CDK6: variants seen among roughly 807,000 people sequenced by gnomAD.
The protein encoded by CDK6 is cyclin dependent kinase 6.
In CDK6, 6 loss-of-function variants were observed where a neutral mutation model predicts 37.1. That is an observed-to-expected ratio of 0.16 (90% CI 0.09 to 0.32). CDK6 has a LOEUF of 0.32. CDK6 is among the 10% of genes least tolerant of loss of function. CDK6 has a pLI of 1.00. For synonymous variants in CDK6, 160 were observed against 161.3 expected, an observed-to-expected ratio of 0.99 and a Z score of 0.06; for missense variants, 224 against 418.9, an observed-to-expected ratio of 0.53 and a Z score of 4.06.
chr7:92,659,633 CACCACA>C (rs1562927538), intron 5 of CDK6, among the ~76,000 whole-genome samples: 3 of 149,370 alleles, frequency 2.0e-5, no homozygotes, highest in South Asian at 2.1e-4. Context: ...CACACACACA[CACCACA>C]CACACACACA....
intron 4 of CDK6, among the ~76,000 whole-genome samples, chr7:92,672,178 C>CAGACACAT (rs1797093586): frequency 9.6e-6 from 1 of 103,752 alleles, no homozygotes; most frequent in Non-Finnish European, 1.9e-5. Context: ...CACACACACA[C>CAGACACAT]ACACAGACAC....
chr7:92,624,780 G>T (rs1297257711), intron 5 of CDK6, among the ~76,000 whole-genome samples: 1 of 152,108 alleles, frequency 6.6e-6, no homozygotes, highest in Non-Finnish European at 1.5e-5. Context: ...CATGAATGTT[G>T]TATCTGGCCT....
intron 5 of CDK6, among the ~76,000 whole-genome samples, chr7:92,645,022 C>T (rs1402789942): frequency 1.3e-5 from 2 of 152,278 alleles, no homozygotes; most frequent in South Asian, 2.1e-4. Flanking sequence ...CCCATTTCAT[C>T]GGGTTTGGCA....
chr7:92,719,508 A>G (rs1203076201), intron 4 of CDK6, among the ~76,000 whole-genome samples: 1 of 152,190 alleles, frequency 6.6e-6, no homozygotes, highest in African/African-American at 2.4e-5. Context: ...ATCTTTTATT[A>G]GTGAAGGTAA....
At chr7:92,700,303 T>C (rs1797814218) in intron 4 of CDK6, among the ~76,000 whole-genome samples, 1 of 152,222 alleles carries the variant, frequency 6.6e-6, no homozygotes, top group Non-Finnish European at 1.5e-5. Flanking sequence ...TGCATTCTGG[T>C]AACTGTGTAG....
chr7:92,688,954 G>T (rs545974657), intron 4 of CDK6, among the ~76,000 whole-genome samples: 1 of 152,140 alleles, frequency 6.6e-6, no homozygotes, highest in Non-Finnish European at 1.5e-5. Context: ...CTATTTTGGC[G>T]GAGGGAGGCT....
chr7:92,786,567 G>A (rs1451601937), intron 2 of CDK6, among the ~76,000 whole-genome samples: 3 of 151,526 alleles, frequency 2.0e-5, no homozygotes, highest in Non-Finnish European at 2.9e-5. Flanking sequence ...CCACATCACT[G>A]TGGGAATACA....
At chr7:92,666,102 T>C (rs1332627851) in intron 5 of CDK6, among the ~76,000 whole-genome samples, 1 of 152,236 alleles carries the variant, frequency 6.6e-6, no homozygotes, top group Non-Finnish European at 1.5e-5. Flanking sequence ...ATGGTGAGCC[T>C]CGCTGACACA....
At chr7:92,674,024 C>T (rs1797149949) in intron 4 of CDK6, among the ~76,000 whole-genome samples, 1 of 151,898 alleles carries the variant, frequency 6.6e-6, no homozygotes. Context: ...AGGCAATCTG[C>T]CTGCCTCAGC....
intron 4 of CDK6, among the ~76,000 whole-genome samples, chr7:92,694,826 T>C (rs1019779813): frequency 7.2e-5 from 11 of 152,122 alleles, no homozygotes; most frequent in Non-Finnish European, 2.9e-5. Context: ...TAGAAAATTA[T>C]ATATATATAA....
At chr7:92,721,101 A>C (rs1176704127) in intron 4 of CDK6, among the ~76,000 whole-genome samples, 2 of 152,184 alleles carry the variant, frequency 1.3e-5, no homozygotes, top group Non-Finnish European at 2.9e-5. Context: ...GTTAAATATA[A>C]CAGGCCCCAC....
chr7:92,661,811 A>C (rs1796840318), intron 5 of CDK6, among the ~76,000 whole-genome samples: 2 of 152,176 alleles, frequency 1.3e-5, no homozygotes, highest in Admixed American at 1.3e-4. Flanking sequence ...ATATAAGTGG[A>C]CCTGTGTAGT....
intron 2 of CDK6, among the ~76,000 whole-genome samples, chr7:92,803,609 C>T (rs886416985): frequency 6.6e-6 from 1 of 152,080 alleles, no homozygotes; most frequent in Non-Finnish European, 1.5e-5. Context: ...ATACAGATCA[C>T]GAAGAGCTTT....
chr7:92,639,179 C>T (rs1283085216), intron 5 of CDK6, among the ~76,000 whole-genome samples: 4 of 152,124 alleles, frequency 2.6e-5, no homozygotes, highest in Admixed American at 6.5e-5. Context: ...AACCTGCCTC[C>T]TTAAAGTTCT....
chr7:92,777,980 T>C lies in CDK6; in HGVS notation c.234-3149A>G, dbSNP rs995169776. 7.9e-5 allele frequency among the ~76,000 whole-genome samples: 12 copies of C among 152,264 alleles called. No individual in the cohort carries two copies. In the South Asian group the frequency reaches 1.7e-3, roughly 21 times the overall value. ...TTGGGTTGTATTCCTAGGACCTCTG[T>C]TAAACTTTTAATGCCTTGCTGGTTC... is the stretch of plus-strand genomic sequence containing the variant. On this transcript the variant is annotated intron_variant, in intron 2 of 7. Coordinates refer to ENST00000424848, the MANE Select transcript of CDK6 (RefSeq NM_001145306.2).
At position 92,764,883 on chromosome 7, in the gene CDK6, A is replaced by G. The variant is rs535337015; in HGVS notation, c.369+9813T>C. Among the ~76,000 whole-genome samples, 5 of 152,354 alleles carry G rather than the reference A, an allele frequency of 3.3e-5. No homozygotes were observed. The South Asian group carries it at 1.0e-3, about 32-fold the overall frequency. Reference sequence around the variant, plus strand: ...GATAACTGATGGATACCTACTTTGTATGCCTTTCACTGATTTAAAATTTTG... The same window carrying G: ...GATAACTGATGGATACCTACTTTGTGTGCCTTTCACTGATTTAAAATTTTG... On this transcript the variant is annotated intron_variant, in intron 3 of 7. Coordinates refer to ENST00000424848, the MANE Select transcript of CDK6 (RefSeq NM_001145306.2).
chr7:92,795,287 C>G (rs1051183151), intron 2 of CDK6, among the ~76,000 whole-genome samples: 3 of 152,048 alleles, frequency 2.0e-5, no homozygotes, highest in African/African-American at 7.2e-5. Flanking sequence ...TAAACCTACC[C>G]TTAAATCCAA....
chr7:92,703,134 CA>C (rs377333282), intron 4 of CDK6, among the ~76,000 whole-genome samples: 302 of 152,192 alleles, frequency 2.0e-3, no homozygotes, highest in African/African-American at 6.9e-3. Flanking sequence ...AGCCAGATCT[CA>C]AAAATGCCCA....
intron 2 of CDK6, among the ~76,000 whole-genome samples, chr7:92,829,102 T>C (rs149528286): frequency 6.6e-6 from 1 of 152,318 alleles, no homozygotes; most frequent in African/African-American, 2.4e-5. Flanking sequence ...AAATATGTCA[T>C]GTTTCTTTTA....
Sources: allele counts gnomAD v4.1 joint callset (sites outside exome capture counted in the v4.1 genomes callset), GRCh38; gene constraint gnomAD v4.1.1; transcripts MANE v1.5; gene names NCBI Gene and HGNC (gene_info 2026-07-23, HGNC 2026-07-21).